Variants in SRD5A3 observed in about 807,000 individuals in gnomAD.
SRD5A3 encodes the protein polyprenal reductase.
Under a neutral mutation model 34.3 loss-of-function variants are expected in SRD5A3, and 24 were observed. That is an observed-to-expected ratio of 0.70 (90% confidence interval 0.51 to 0.99). The LOEUF (loss-of-function observed/expected upper bound fraction) is 0.99, where lower values mean the gene tolerates loss of function less well. Among genes scored for constraint, SRD5A3 ranks in the 50% least tolerant of loss-of-function variants. SRD5A3 has a pLI of 0.00. For synonymous variants in SRD5A3, 161 were observed against 167.3 expected, an observed-to-expected ratio of 0.96 and a Z score of 0.29; for missense variants, 350 against 388.2, an observed-to-expected ratio of 0.90 and a Z score of 0.83.
chr4:55,360,630 G>T lies in SRD5A3; in HGVS notation c.364+1142G>T, dbSNP rs371073742. Among the ~76,000 whole-genome samples, 28 of 151,610 alleles carry T rather than the reference G, an allele frequency of 1.8e-4. 1 individual carries two copies. In the South Asian group the frequency reaches 2.3e-3, roughly 12 times the overall value. ...TTGACTAAACAGTTGTTGAACAGAC[G>T]ATTACAAAATAGCCTTTAAGTTTGC... On this transcript the variant is annotated intron_variant, in intron 2 of 4. Transcript: ENST00000264228.
intron 2 of SRD5A3, among the ~76,000 whole-genome samples, chr4:55,363,313 T>C (rs1039717059): frequency 2.6e-5 from 4 of 152,090 alleles, no homozygotes; most frequent in Non-Finnish European, 5.9e-5. Context: ...CACATGACTA[T>C]AGTTCTAGCC....
At chr4:55,355,426 C>G (rs546821289) in intron 1 of SRD5A3, among the ~76,000 whole-genome samples, 3 of 151,114 alleles carry the variant, frequency 2.0e-5, no homozygotes, top group African/African-American at 7.3e-5. Flanking sequence ...CCACTGCACT[C>G]CAGCCTGGGC....
At chr4:55,353,369 A>C (rs549848901) in intron 1 of SRD5A3, among the ~76,000 whole-genome samples, 11 of 152,312 alleles carry the variant, frequency 7.2e-5, no homozygotes, top group Admixed American at 5.9e-4. Flanking sequence ...TGTCTAGCTA[A>C]AAGTTTGTAA....
At chr4:55,359,521 A>C in intron 2 of SRD5A3, 33 bp downstream of exon 2, 1 of 1,613,472 alleles carries the variant, frequency 6.2e-7, no homozygotes, top group East Asian at 2.2e-5. Context: ...ACAACGCTGC[A>C]TCCCGTTTCT....
intron 4 of SRD5A3, 118 bp downstream of exon 4, chr4:55,367,840 T>G (rs1318494869): frequency 7.5e-7 from 1 of 1,340,776 alleles, no homozygotes. Flanking sequence ...ATATTGATTT[T>G]TGGCAAGACA....
intron 1 of SRD5A3, among the ~76,000 whole-genome samples, chr4:55,354,232 G>C (rs1216874106): frequency 6.6e-6 from 1 of 152,038 alleles, no homozygotes; most frequent in Non-Finnish European, 1.5e-5. Context: ...CAAGGAGCTG[G>C]GACTACAGGG....
chr4:55,358,441 T>C (rs1450617157), intron 1 of SRD5A3, among the ~76,000 whole-genome samples: 1 of 148,300 alleles, frequency 6.7e-6, no homozygotes, highest in Non-Finnish European at 1.5e-5. Context: ...AAAGCTGCGG[T>C]GCGAGGATCA....
chr4:55,357,374 A>G (rs1719507474), intron 1 of SRD5A3, among the ~76,000 whole-genome samples: 1 of 152,242 alleles, frequency 6.6e-6, no homozygotes, highest in South Asian at 2.1e-4. Context: ...GTCCTTCAGA[A>G]GCTATCCCTC....
chr4:55,357,719 G>C (rs988648082), intron 1 of SRD5A3, among the ~76,000 whole-genome samples: 3 of 152,182 alleles, frequency 2.0e-5, no homozygotes, highest in African/African-American at 7.2e-5. Context: ...TTATTTATTT[G>C]TTAAGACACA....
intron 1 of SRD5A3, among the ~76,000 whole-genome samples, chr4:55,350,279 A>G (rs1204606060): frequency 2.6e-5 from 4 of 152,194 alleles, no homozygotes; most frequent in Non-Finnish European, 1.5e-5. Context: ...CTGAGGTAGG[A>G]GAATAGCTTG....
At position 55,370,242 on chromosome 4, in the gene SRD5A3, G is replaced by A. The variant is rs1414500636; in HGVS notation, c.*151G>A. 2.1e-6 allele frequency: 2 copies of A among 965,694 alleles called. No individual in the cohort carries two copies. Among genetic ancestry groups the A allele is most frequent in the Non-Finnish European group, 3.2e-6 (2 of 632,722 alleles). The allele number at this position is 965,694 out of a possible 1,614,324, so 59.8% of individuals were successfully genotyped here. Reference sequence around the variant, plus strand: ...CACAAGTTTTCACTGAATGAGCATGGCAGTGCCACTCAAGAAAATGAATCT... The same window carrying A: ...CACAAGTTTTCACTGAATGAGCATGACAGTGCCACTCAAGAAAATGAATCT... On this transcript the variant is annotated 3_prime_UTR_variant, in exon 5 of 5. Transcript: ENST00000264228.
In SRD5A3 at chr4:55,370,406, AAAAACC is replaced by A; in HGVS notation, c.*316_*321del. 1.5e-5 allele frequency: 3 copies of A among 203,570 alleles called. No homozygotes were observed. Among genetic ancestry groups the A allele is most frequent in the Non-Finnish European group, 2.8e-5 (3 of 107,682 alleles). 12.6% of individuals were successfully genotyped at this position (203,570 alleles called of 1,614,324 possible). ...AGCTGCTTCACAAGCAAACTAACCGAAAAACCGAAAATATACAAACAGCTTCACACA... is the reference window on the plus strand; with the variant it reads ...AGCTGCTTCACAAGCAAACTAACCGAGAAAATATACAAACAGCTTCACACA... On this transcript the variant is annotated 3_prime_UTR_variant, in exon 5 of 5. Coordinates refer to ENST00000264228, the MANE Select transcript of SRD5A3 (RefSeq NM_024592.5).
At chr4:55,350,215 C>A (rs1719136283) in intron 1 of SRD5A3, among the ~76,000 whole-genome samples, 1 of 151,924 alleles carries the variant, frequency 6.6e-6, no homozygotes, top group Non-Finnish European at 1.5e-5. Context: ...ACTAAAAATA[C>A]AAAAATTAGC....
chr4:55,349,015 G>A (rs967051240), intron 1 of SRD5A3, among the ~76,000 whole-genome samples: 3 of 152,118 alleles, frequency 2.0e-5, no homozygotes, highest in Admixed American at 6.5e-5. Flanking sequence ...TATTTTTCCT[G>A]TGCAAAATCT....
intron 1 of SRD5A3, among the ~76,000 whole-genome samples, chr4:55,349,228 G>A (rs889321881): frequency 9.2e-5 from 14 of 152,100 alleles, no homozygotes; most frequent in Non-Finnish European, 2.1e-4. Context: ...TGGAGACGGG[G>A]TTTCAACATT....
intron 3 of SRD5A3, among the ~76,000 whole-genome samples, chr4:55,365,018 C>T (rs1719832812): frequency 6.6e-6 from 1 of 152,146 alleles, no homozygotes; most frequent in Admixed American, 6.5e-5. Context: ...CATTACCTAA[C>T]ACATATGACT....
intron 1 of SRD5A3, among the ~76,000 whole-genome samples, chr4:55,356,536 G>A (rs1719468339): frequency 6.6e-6 from 1 of 152,086 alleles, no homozygotes; most frequent in African/African-American, 2.4e-5. Context: ...CCAGGCTGGA[G>A]TGCTGTGGCG....
chr4:55,369,509 C>T (rs1279926026), intron 4 of SRD5A3: 2 of 344,980 alleles, frequency 5.8e-6, no homozygotes, highest in African/African-American at 4.2e-5. Context: ...GTGGGAGGAT[C>T]ACTTGAGCCC....
intron 1 of SRD5A3, among the ~76,000 whole-genome samples, chr4:55,348,825 A>G (rs1719087345): frequency 6.6e-6 from 1 of 152,210 alleles, no homozygotes; most frequent in Non-Finnish European, 1.5e-5. Context: ...TGGAATTTAA[A>G]TCCCAAGCTC....
Sources: allele counts gnomAD v4.1 joint callset (sites outside exome capture counted in the v4.1 genomes callset), GRCh38; gene constraint gnomAD v4.1.1; transcripts MANE v1.5; gene names NCBI Gene and HGNC (gene_info 2026-07-23, HGNC 2026-07-21).